The following MTUS2 variants were observed in gnomAD, a reference collection of about 807,000 sequenced individuals.
MTUS2 encodes microtubule associated scaffold protein 2.
MTUS2 carries 40 observed loss-of-function variants against 114.1 expected under a neutral mutation model. The ratio of observed to expected loss-of-function variants is 0.35; its 90% confidence interval spans 0.27 to 0.46. The LOEUF (loss-of-function observed/expected upper bound fraction) is 0.46, where lower values mean the gene tolerates loss of function less well. MTUS2 is among the 20% of genes least tolerant of loss of function. The probability of loss-of-function intolerance (pLI) is 1.00; values close to 1 mark genes in which losing one functional copy is unlikely to be tolerated. For missense variants in MTUS2, 1,679 were observed against 1,705.4 expected (o/e 0.98, Z 0.27); for synonymous variants, 688 against 672.0 (o/e 1.02, Z -0.37).
intron 9 of MTUS2, among the ~76,000 whole-genome samples, chr13:29,469,386 T>C (rs1024502942): frequency 5.3e-5 from 8 of 152,080 alleles, no homozygotes; most frequent in African/African-American, 1.9e-4. Flanking sequence ...CCCAGCACTT[T>C]GGGAGGCCGA....
At chr13:29,248,155 C>T (rs970598872) in intron 5 of MTUS2, among the ~76,000 whole-genome samples, 4 of 152,190 alleles carry the variant, frequency 2.6e-5, no homozygotes, top group African/African-American at 9.6e-5. Flanking sequence ...GAATGGAAAA[C>T]CAAACATCAT....
chr13:29,272,328 A>G (rs1044022569), intron 5 of MTUS2, among the ~76,000 whole-genome samples: 1 of 152,216 alleles, frequency 6.6e-6, no homozygotes, highest in Admixed American at 6.5e-5. Context: ...TGAAGAGAGT[A>G]GTTTAATGAT....
chr13:29,322,553 C>T (rs1483167486), intron 6 of MTUS2, among the ~76,000 whole-genome samples: 1 of 152,112 alleles, frequency 6.6e-6, no homozygotes, highest in East Asian at 1.9e-4. Context: ...ACGGCAGACA[C>T]TAAGCAAACA....
At chr13:29,134,445 A>G (rs967471215) in intron 5 of MTUS2, among the ~76,000 whole-genome samples, 4 of 152,178 alleles carry the variant, frequency 2.6e-5, no homozygotes, top group Non-Finnish European at 5.9e-5. Context: ...GGTTTCCTGT[A>G]GGTTATTAAG....
intron 4 of MTUS2, among the ~76,000 whole-genome samples, chr13:29,098,500 A>T (rs1322646521): frequency 6.6e-6 from 1 of 152,040 alleles, no homozygotes; most frequent in Non-Finnish European, 1.5e-5. Context: ...ACAAACACAC[A>T]GCCCATGTGT....
intron 5 of MTUS2, among the ~76,000 whole-genome samples, chr13:29,104,657 T>G (rs769655223): frequency 6.6e-6 from 1 of 152,188 alleles, no homozygotes; most frequent in Non-Finnish European, 1.5e-5. Context: ...GTATCGTGCC[T>G]CCAGGATAGC....
At chr13:28,834,591 G>A (rs1874937666) in intron 1 of MTUS2, among the ~76,000 whole-genome samples, 1 of 152,058 alleles carries the variant, frequency 6.6e-6, no homozygotes, top group Non-Finnish European at 1.5e-5. Context: ...AGGAAAAAAA[G>A]TAAGAGTAAA....
intron 2 of MTUS2, among the ~76,000 whole-genome samples, chr13:28,892,528 A>G (rs907847087): frequency 5.9e-5 from 9 of 152,174 alleles, no homozygotes; most frequent in Non-Finnish European, 4.4e-5. Context: ...TACCCACATT[A>G]TTAAAAAAAT....
chr13:29,157,941 G>A (rs1469610376), intron 5 of MTUS2, among the ~76,000 whole-genome samples: 2 of 152,154 alleles, frequency 1.3e-5, no homozygotes, highest in African/African-American at 2.4e-5. Flanking sequence ...GTGGGTCTAC[G>A]TGACAAAATA....
chr13:29,227,785 A>G (rs779295662), intron 5 of MTUS2, among the ~76,000 whole-genome samples: 2 of 152,220 alleles, frequency 1.3e-5, no homozygotes, highest in African/African-American at 2.4e-5. Context: ...TACTATTTCT[A>G]TTATGCAATC....
chr13:29,337,931 G>A (rs550611898), intron 7 of MTUS2, among the ~76,000 whole-genome samples: 1 of 150,454 alleles, frequency 6.6e-6, no homozygotes, highest in Non-Finnish European at 1.5e-5. Flanking sequence ...TGGGACTACA[G>A]GTGTGTGTCA....
intron 4 of MTUS2, among the ~76,000 whole-genome samples, chr13:29,077,978 C>T (rs1464722247): frequency 6.6e-6 from 1 of 152,116 alleles, no homozygotes; most frequent in Non-Finnish European, 1.5e-5. Flanking sequence ...ATGAGAATAT[C>T]TGGTTTTTTC....
At chr13:29,469,563 G>A (rs559227547) in intron 9 of MTUS2, among the ~76,000 whole-genome samples, 2 of 151,652 alleles carry the variant, frequency 1.3e-5, no homozygotes, top group African/African-American at 4.8e-5. Flanking sequence ...GGAGGCAGAA[G>A]TTGCAGTGAG....
chr13:29,471,745 C>CCCCCCCG (rs1566220275), intron 9 of MTUS2, among the ~76,000 whole-genome samples: 3 of 146,610 alleles, frequency 2.0e-5, no homozygotes, highest in African/African-American at 2.5e-5. Context: ...AGGCCCAGCC[C>CCCCCCCG]CCCCCGACAC....
At chr13:29,121,491 T>G (rs1161410110) in intron 5 of MTUS2, among the ~76,000 whole-genome samples, 2 of 151,820 alleles carry the variant, frequency 1.3e-5, no homozygotes, top group African/African-American at 2.4e-5. Context: ...GCACAGGCAG[T>G]GTCATGTAGA....
intron 2 of MTUS2, among the ~76,000 whole-genome samples, chr13:28,999,115 A>T (rs1885261992): frequency 6.6e-6 from 1 of 151,988 alleles, no homozygotes; most frequent in African/African-American, 2.4e-5. Context: ...AACAGTCAGG[A>T]CCCTCAGCTG....
At chr13:28,866,961 C>T (rs555789162) in intron 2 of MTUS2, among the ~76,000 whole-genome samples, 2 of 152,176 alleles carry the variant, frequency 1.3e-5, no homozygotes, top group Non-Finnish European at 2.9e-5. Context: ...GAATAAATCA[C>T]AATGCAACAT....
At chr13:28,904,091 A>G (rs1187275251) in intron 2 of MTUS2, among the ~76,000 whole-genome samples, 1 of 152,086 alleles carries the variant, frequency 6.6e-6, no homozygotes, top group Non-Finnish European at 1.5e-5. Flanking sequence ...TCCTTCGCCC[A>G]CTTGTTGATG....
chr13:29,228,792 T>G (rs2139351399), intron 5 of MTUS2, among the ~76,000 whole-genome samples: 1 of 152,266 alleles, frequency 6.6e-6, no homozygotes, highest in African/African-American at 2.4e-5. Context: ...TACATAAAAT[T>G]AGACGTGTGA....
Sources: gnomAD v4.1 joint callset for allele counts (sites outside exome capture counted in the v4.1 genomes callset) on GRCh38, gnomAD v4.1.1 for gene constraint, MANE v1.5 for transcripts, NCBI Gene and HGNC (gene_info 2026-07-23, HGNC 2026-07-21) for gene names.